CCDC178: variants seen among roughly 807,000 people sequenced by gnomAD.
CCDC178 encodes coiled-coil domain containing 178.
CCDC178 carries 126 observed loss-of-function variants against 117.4 expected under a neutral mutation model. That is an observed-to-expected ratio of 1.07 (90% CI 0.93 to 1.24). CCDC178 has a LOEUF of 1.24. Among genes scored for constraint, CCDC178 ranks in the 50% most tolerant of loss-of-function variants. The pLI is 0.00. For missense variants in CCDC178, 1,030 were observed against 986.9 expected (o/e 1.04, Z -0.59); for synonymous variants, 283 against 313.4 (o/e 0.90, Z 1.02).
At chr18:33,356,667 A>T (rs932354177) in intron 6 of CCDC178, among the ~76,000 whole-genome samples, 1 of 152,154 alleles carries the variant, frequency 6.6e-6, no homozygotes, top group Non-Finnish European at 1.5e-5. Context: ...CCAGCATTAA[A>T]ATTAAAACAG....
intron 20 of CCDC178, among the ~76,000 whole-genome samples, chr18:33,111,660 T>C (rs2057785093): frequency 6.6e-6 from 1 of 151,710 alleles, no homozygotes; most frequent in Admixed American, 6.6e-5. Context: ...ACAATTAATA[T>C]GATGACAGAA....
intron 14 of CCDC178, 30 bp from the exon 15 acceptor site, chr18:33,245,458 T>C: frequency 2.1e-6 from 3 of 1,454,908 alleles, no homozygotes; most frequent in Non-Finnish European, 2.7e-6. Context: ...ATTAATATTA[T>C]TGAGTATATA....
At chr18:33,344,530 T>A (rs952348507) in intron 9 of CCDC178, among the ~76,000 whole-genome samples, 11 of 152,092 alleles carry the variant, frequency 7.2e-5, no homozygotes, top group Non-Finnish European at 1.5e-4. Context: ...TGTGCACATA[T>A]GTATCTCAAT....
At chr18:32,983,224 G>T in intron 21 of CCDC178, 1 of 978,956 alleles carries the variant, frequency 1.0e-6, no homozygotes, top group South Asian at 1.4e-5. Flanking sequence ...ACTTGTTAGA[G>T]GTTACAGTAT....
At chr18:33,042,437 G>C (rs2056566179) in intron 21 of CCDC178, among the ~76,000 whole-genome samples, 1 of 151,808 alleles carries the variant, frequency 6.6e-6, no homozygotes, top group African/African-American at 2.4e-5. Flanking sequence ...TCTATAACTG[G>C]CTTGATCTTT....
At chr18:33,386,790 C>T (rs979561682) in intron 5 of CCDC178, among the ~76,000 whole-genome samples, 4 of 152,064 alleles carry the variant, frequency 2.6e-5, no homozygotes, top group African/African-American at 9.7e-5. Flanking sequence ...GGAAGCATTC[C>T]CCTTGAAAAT....
At chr18:33,407,657 G>A (rs774978321) in intron 3 of CCDC178, among the ~76,000 whole-genome samples, 3 of 151,896 alleles carry the variant, frequency 2.0e-5, no homozygotes, top group Non-Finnish European at 4.4e-5. Context: ...TAACACTATT[G>A]TACAACAGTA....
chr18:33,384,642 CTT>C (rs1308265937), intron 5 of CCDC178, among the ~76,000 whole-genome samples: 1 of 152,060 alleles, frequency 6.6e-6, no homozygotes, highest in East Asian at 1.9e-4. Context: ...GAAATAAAAT[CTT>C]TTTTAGACAA....
At chr18:32,958,918 G>T (rs1477010046) in intron 22 of CCDC178, among the ~76,000 whole-genome samples, 3 of 152,118 alleles carry the variant, frequency 2.0e-5, no homozygotes, top group Non-Finnish European at 2.9e-5. Flanking sequence ...AGTTGTCAAG[G>T]TGTTAGTCCA....
chr18:33,181,110 C>T lies in CCDC178; in HGVS notation c.2238+30786G>A, dbSNP rs113923107. Among the ~76,000 whole-genome samples, 671 of 150,448 alleles carry T rather than the reference C, an allele frequency of 4.5e-3. 4 individuals carry two copies. Among genetic ancestry groups the T allele is most frequent in the African/African-American group, 0.016 (640 of 40,290 alleles). ...TTGATTGCGTGGCCAAATTTCTGTT[C>T]ATGCCTGCTTACTGATTTTTGTTGC... On this transcript the variant is annotated intron_variant, in intron 20 of 22. Coordinates refer to ENST00000383096, the MANE Select transcript of CCDC178 (RefSeq NM_001105528.4).
At chr18:33,244,421 C>T (rs1036890605) in intron 15 of CCDC178, among the ~76,000 whole-genome samples, 7 of 151,836 alleles carry the variant, frequency 4.6e-5, no homozygotes, top group Non-Finnish European at 8.8e-5. Flanking sequence ...TTGTAATAAT[C>T]CCCACATGTC....
intron 20 of CCDC178, among the ~76,000 whole-genome samples, chr18:33,142,475 G>T (rs556187204): frequency 6.6e-6 from 1 of 152,252 alleles, no homozygotes; most frequent in South Asian, 2.1e-4. Context: ...ACATAGAATG[G>T]ATGACTAGAA....
At chr18:33,229,837 G>T (rs933117087) in intron 15 of CCDC178, among the ~76,000 whole-genome samples, 1 of 152,170 alleles carries the variant, frequency 6.6e-6, no homozygotes, top group South Asian at 2.1e-4. Context: ...GGGTGAAAGG[G>T]TTCCAATTAG....
intron 20 of CCDC178, among the ~76,000 whole-genome samples, chr18:33,127,168 C>A (rs1211894872): frequency 6.6e-6 from 1 of 151,420 alleles, no homozygotes. Context: ...ATGTTGAAAT[C>A]TCCCTTTTCA....
intron 20 of CCDC178, among the ~76,000 whole-genome samples, chr18:33,180,515 T>C (rs573410137): frequency 6.6e-6 from 1 of 152,014 alleles, no homozygotes; most frequent in South Asian, 2.1e-4. Context: ...CTGGAAGAAA[T>C]AGACTTAGAA....
intron 21 of CCDC178, among the ~76,000 whole-genome samples, chr18:33,079,186 C>G (rs770259093): frequency 2.0e-4 from 31 of 152,126 alleles, no homozygotes; most frequent in Non-Finnish European, 3.5e-4. Flanking sequence ...AAAGGACCCC[C>G]TATTCAATAA....
intron 21 of CCDC178, among the ~76,000 whole-genome samples, chr18:33,060,140 C>T (rs892521919): frequency 6.6e-6 from 1 of 152,012 alleles, no homozygotes; most frequent in Non-Finnish European, 1.5e-5. Flanking sequence ...TAATGAGTCT[C>T]GAATTCTGTT....
intron 2 of CCDC178, among the ~76,000 whole-genome samples, chr18:33,414,896 G>A: frequency 6.6e-6 from 1 of 152,150 alleles, no homozygotes; most frequent in Non-Finnish European, 1.5e-5. Context: ...CTAAGGATAT[G>A]AACAGACACT....
chr18:32,963,648 C>T (rs1222257291), intron 22 of CCDC178, among the ~76,000 whole-genome samples: 1 of 151,806 alleles, frequency 6.6e-6, no homozygotes, highest in African/African-American at 2.4e-5. Context: ...GTCGATGTAC[C>T]CTCACCTTGC....
Sources: allele counts gnomAD v4.1 joint callset (sites outside exome capture counted in the v4.1 genomes callset), GRCh38; gene constraint gnomAD v4.1.1; transcripts MANE v1.5; gene names NCBI Gene and HGNC (gene_info 2026-07-23, HGNC 2026-07-21).